Variants in RASA3 observed in about 807,000 individuals in gnomAD.
RASA3 encodes the protein ras GTPase-activating protein 3.
RASA3 carries 73 observed loss-of-function variants against 110.0 expected under a neutral mutation model. The ratio of observed to expected loss-of-function variants is 0.66; its 90% CI spans 0.55 to 0.81. The LOEUF is 0.81. Ranked by LOEUF, RASA3 falls within the 30% of genes least tolerant of loss-of-function variation. RASA3 has a pLI of 0.00. For synonymous variants in RASA3, 500 were observed against 451.4 expected (o/e 1.11, Z -1.37); for missense variants, 976 against 1,113.2 (o/e 0.88, Z 1.75).
chr13:114,121,773 C>G (rs757221380), intron 1 of RASA3, among the ~76,000 whole-genome samples: 1 of 152,206 alleles, frequency 6.6e-6, no homozygotes, highest in Non-Finnish European at 1.5e-5. Flanking sequence ...TGGCCCATTG[C>G]GCTAGCCCTG....
At chr13:114,021,049 C>T (rs2053917858) in intron 9 of RASA3, among the ~76,000 whole-genome samples, 1 of 151,830 alleles carries the variant, frequency 6.6e-6, no homozygotes, top group Non-Finnish European at 1.5e-5. Flanking sequence ...TCAGACCCTG[C>T]GAGCTGCTCG....
intron 2 of RASA3, among the ~76,000 whole-genome samples, chr13:114,058,183 C>T (rs569398844): frequency 3.9e-5 from 6 of 152,154 alleles, no homozygotes; most frequent in South Asian, 2.1e-4. Flanking sequence ...TACCTGCAAA[C>T]GGAGCACCAG....
rs116998624 is a variant in RASA3 at position 114,094,184 on chromosome 13, C to G, written c.56-20347G>C. Among the ~76,000 whole-genome samples, 1,517 of 152,274 alleles carry G rather than the reference C, an allele frequency of 1.0e-2. 14 individuals are homozygous for G. Among genetic ancestry groups the G allele is most frequent in the Middle Eastern group, 0.055 (16 of 292 alleles). On this transcript the variant is annotated intron_variant, in intron 1 of 23. Coordinates refer to ENST00000334062, the MANE Select transcript of RASA3 (RefSeq NM_007368.4). ...TTTGACTGTGCATAGGTACAGAATTCTTGTTGTTGTGGGAAATATGAGCAG... is the reference window on the plus strand; with the variant it reads ...TTTGACTGTGCATAGGTACAGAATTGTTGTTGTTGTGGGAAATATGAGCAG...
intron 1 of RASA3, among the ~76,000 whole-genome samples, chr13:114,083,511 CTG>C (rs1566562460): frequency 1.4e-5 from 2 of 147,944 alleles, no homozygotes; most frequent in East Asian, 4.0e-4. Context: ...ACAGGAAGTG[CTG>C]AGTCTGGAGT....
chr13:114,013,899 T>TCTCTCTCTCTCTCCGTCTCTCTCTCTCC (rs2053719668), intron 14 of RASA3, among the ~76,000 whole-genome samples: 1 of 74,144 alleles, frequency 1.3e-5, no homozygotes, highest in Non-Finnish European at 2.4e-5. Flanking sequence ...TCTCTTTTTC[T>TCTCTCTCTCTCTCCGTCTCTCTCTCTCC]CTCTTTCTCT....
intron 1 of RASA3, among the ~76,000 whole-genome samples, chr13:114,097,147 C>T (rs902290402): frequency 6.6e-5 from 10 of 152,332 alleles, no homozygotes; most frequent in African/African-American, 1.9e-4. Flanking sequence ...AGCAGTTCTC[C>T]GCAGATATGG....
chr13:114,102,801 G>A (rs374385100), intron 1 of RASA3, among the ~76,000 whole-genome samples: 6 of 152,198 alleles, frequency 3.9e-5, no homozygotes, highest in African/African-American at 1.4e-4. Flanking sequence ...TGGGGAGGGC[G>A]GCAAAGCCTG....
chr13:114,029,751 C>T (rs2054110326), intron 5 of RASA3, 60 bp downstream of exon 5: 1 of 1,487,710 alleles, frequency 6.7e-7, no homozygotes, highest in African/African-American at 1.4e-5. Flanking sequence ...CCTGTGTGCT[C>T]CTCGGGAGCC....
At chr13:114,018,356 C>A (rs577309007) in intron 10 of RASA3, 104 bp from the exon 11 acceptor site, 7 of 1,358,660 alleles carry the variant, frequency 5.2e-6, no homozygotes, top group Middle Eastern at 5.4e-4. Flanking sequence ...ATAGATACGG[C>A]TCTTTGCTGA....
chr13:114,132,422 G>A lies in RASA3; in HGVS notation c.55+13C>T, dbSNP rs750392365. On this transcript the variant is annotated intron_variant, in intron 1 of 23. Transcript: ENST00000334062. The stretch of plus-strand genomic sequence containing the variant: ...CCGGGGGGTCGGACGCGTGGCTGCC[G>A]GCGGACACTCACCGATCTTGATCTT... 9 of 1,518,946 alleles carry A rather than the reference G, an allele frequency of 5.9e-6. 1 individual carries two copies. In the South Asian group the frequency reaches 7.3e-5, roughly 12 times the overall value. The allele number at this position is 1,518,946 out of a possible 1,614,324, so 94.1% of individuals were successfully genotyped here.
intron 4 of RASA3, among the ~76,000 whole-genome samples, chr13:114,031,873 C>A (rs188417795): frequency 2.0e-5 from 3 of 152,144 alleles, no homozygotes; most frequent in African/African-American, 7.2e-5. Flanking sequence ...GGCGCTAAGA[C>A]GTGGACGGCA....
At chr13:114,034,719 G>A (rs1259456319) in intron 4 of RASA3, among the ~76,000 whole-genome samples, 4 of 152,250 alleles carry the variant, frequency 2.6e-5, no homozygotes, top group Non-Finnish European at 5.9e-5. Context: ...AAACAACACA[G>A]TTCTAAATAA....
chr13:114,073,146 G>A (rs1395382205), intron 2 of RASA3, among the ~76,000 whole-genome samples: 1 of 148,392 alleles, frequency 6.7e-6, no homozygotes, highest in Non-Finnish European at 1.5e-5. Context: ...TGATGTACAT[G>A]CTTGGGACAC....
At chr13:114,046,123 G>GT (rs1237943361) in intron 3 of RASA3, among the ~76,000 whole-genome samples, 1 of 152,192 alleles carries the variant, frequency 6.6e-6, no homozygotes, top group Non-Finnish European at 1.5e-5. Flanking sequence ...AGAAAAACAA[G>GT]TTTAAGAACA....
chr13:114,015,035 C>T (rs901772002), intron 14 of RASA3, among the ~76,000 whole-genome samples, 174 bp downstream of exon 14: 9 of 152,130 alleles, frequency 5.9e-5, no homozygotes, highest in African/African-American at 1.9e-4. Flanking sequence ...CGGTTGTGAA[C>T]TAGGGAACAC....
At chr13:114,064,645 C>T (rs1351648195) in intron 2 of RASA3, among the ~76,000 whole-genome samples, 2 of 152,260 alleles carry the variant, frequency 1.3e-5, no homozygotes, top group Non-Finnish European at 2.9e-5. Context: ...ATCCCCCATC[C>T]TGTTCGGTGG....
At chr13:114,128,643 G>A (rs1209701477) in intron 1 of RASA3, among the ~76,000 whole-genome samples, 2 of 152,254 alleles carry the variant, frequency 1.3e-5, no homozygotes, top group Admixed American at 1.3e-4. Flanking sequence ...TGCCCCACAG[G>A]CCTGCAGGCA....
chr13:113,979,143 C>A lies in RASA3; in HGVS notation c.*204G>T. On this transcript the variant is annotated 3_prime_UTR_variant, in exon 24 of 24. Coordinates refer to ENST00000334062, the MANE Select transcript of RASA3 (RefSeq NM_007368.4). Reference sequence around the variant, plus strand: ...CAGAATCAAATGACGACACGTTCCACAGGGCCAGGTGGGCTTTCTGCGGAG... The same window carrying A: ...CAGAATCAAATGACGACACGTTCCAAAGGGCCAGGTGGGCTTTCTGCGGAG... 1.7e-6 allele frequency: 1 copy of A among 588,264 alleles called. No individual in the cohort carries two copies. Among genetic ancestry groups the A allele is most frequent in the South Asian group, 2.0e-5 (1 of 49,206 alleles). The allele number at this position is 588,264 out of a possible 1,614,324, so 36.4% of individuals were successfully genotyped here.
chr13:114,093,151 T>C (rs1412874003), intron 1 of RASA3, among the ~76,000 whole-genome samples: 1 of 152,222 alleles, frequency 6.6e-6, no homozygotes, highest in African/African-American at 2.4e-5. Context: ...ATAGAAGTGG[T>C]TTACACACCA....
Sources: gnomAD v4.1 joint callset for allele counts (sites outside exome capture counted in the v4.1 genomes callset) on GRCh38, gnomAD v4.1.1 for gene constraint, MANE v1.5 for transcripts, NCBI Gene and HGNC (gene_info 2026-07-23, HGNC 2026-07-21) for gene names.